Variants in PLXDC2 observed in about 807,000 individuals in gnomAD.
The protein encoded by PLXDC2 is plexin domain-containing protein 2.
PLXDC2 carries 40 observed loss-of-function variants against 68.9 expected under a neutral mutation model. The observed-to-expected ratio is 0.58, with a 90% CI of 0.45 to 0.76. The LOEUF (loss-of-function observed/expected upper bound fraction) is 0.76, where lower values mean the gene tolerates loss of function less well. Ranked by LOEUF, PLXDC2 falls within the 30% of genes least tolerant of loss-of-function variation. PLXDC2 has a pLI of 0.00. For synonymous variants in PLXDC2, 243 were observed against 234.2 expected (o/e 1.04, Z -0.34); for missense variants, 644 against 661.9 (o/e 0.97, Z 0.30).
intron 5 of PLXDC2, among the ~76,000 whole-genome samples, chr10:20,146,210 T>G (rs1210250125): frequency 6.6e-6 from 1 of 152,082 alleles, no homozygotes; most frequent in Non-Finnish European, 1.5e-5. Flanking sequence ...GTTGTAGACA[T>G]GTGTGAAGGA....
intron 1 of PLXDC2, among the ~76,000 whole-genome samples, chr10:19,858,515 T>G (rs1837257514): frequency 6.6e-6 from 1 of 152,200 alleles, no homozygotes; most frequent in Non-Finnish European, 1.5e-5. Flanking sequence ...TAATATTACT[T>G]TGTAAAAATA....
At chr10:20,189,504 T>TATATACAC (rs1554773611) in intron 9 of PLXDC2, among the ~76,000 whole-genome samples, 3 of 121,592 alleles carry the variant, frequency 2.5e-5, no homozygotes, top group East Asian at 2.4e-4. Flanking sequence ...TATATATATA[T>TATATACAC]ACACATACAC....
intron 6 of PLXDC2, among the ~76,000 whole-genome samples, chr10:20,163,754 CTT>C (rs538799079): frequency 9.2e-5 from 14 of 152,142 alleles, no homozygotes; most frequent in African/African-American, 3.1e-4. Flanking sequence ...ATTTATAACT[CTT>C]ATATCATTTT....
intron 1 of PLXDC2, among the ~76,000 whole-genome samples, chr10:19,976,697 T>G (rs2131616338): frequency 6.6e-6 from 1 of 152,226 alleles, no homozygotes; most frequent in African/African-American, 2.4e-5. Context: ...GCTGGGAAAC[T>G]TACTTGGATT....
chr10:19,948,870 C>T (rs1052298584), intron 1 of PLXDC2, among the ~76,000 whole-genome samples: 4 of 151,806 alleles, frequency 2.6e-5, no homozygotes, highest in South Asian at 2.1e-4. Context: ...ATTGGCCGGG[C>T]GCGGTGGCTC....
intron 1 of PLXDC2, among the ~76,000 whole-genome samples, chr10:19,899,511 T>A (rs1372826538): frequency 6.6e-6 from 1 of 152,202 alleles, no homozygotes; most frequent in Non-Finnish European, 1.5e-5. Flanking sequence ...ACGTATTATA[T>A]GAGAATAAAT....
At chr10:20,095,512 A>G (rs1263675700) in intron 4 of PLXDC2, among the ~76,000 whole-genome samples, 1 of 152,190 alleles carries the variant, frequency 6.6e-6, no homozygotes, top group African/African-American at 2.4e-5. Context: ...GAGAGAAGGG[A>G]AAGGATCAGG....
intron 7 of PLXDC2, among the ~76,000 whole-genome samples, chr10:20,173,559 C>G (rs1376654074): frequency 6.6e-6 from 1 of 152,184 alleles, no homozygotes; most frequent in Non-Finnish European, 1.5e-5. Flanking sequence ...AGTATTTGCA[C>G]TTTGCAACAC....
At chr10:20,103,565 A>G (rs1362955409) in intron 4 of PLXDC2, among the ~76,000 whole-genome samples, 1 of 148,698 alleles carries the variant, frequency 6.7e-6, no homozygotes, top group African/African-American at 2.5e-5. Context: ...GCTGGAAGAG[A>G]TGTGGGGTTA....
intron 9 of PLXDC2, among the ~76,000 whole-genome samples, chr10:20,208,458 C>T (rs1256232531): frequency 6.6e-6 from 1 of 152,032 alleles, no homozygotes; most frequent in Admixed American, 6.6e-5. Context: ...TGGGTCCCTC[C>T]CACAACACAG....
chr10:20,165,090 TAGGATTACAGGCGTGAGCCACC>T (rs1185767713), intron 7 of PLXDC2, among the ~76,000 whole-genome samples: 3 of 152,146 alleles, frequency 2.0e-5, no homozygotes, highest in African/African-American at 7.2e-5. Context: ...CCCAAAGTGC[TAGGATTACAGGCGTGAGCCACC>T]ATGCCCAGCC....
intron 13 of PLXDC2, among the ~76,000 whole-genome samples, chr10:20,272,926 C>T (rs1835957558): frequency 2.0e-5 from 3 of 152,160 alleles, no homozygotes; most frequent in Admixed American, 1.3e-4. Flanking sequence ...ACTTGGCTCC[C>T]AACAGTGAAC....
At chr10:20,026,841 T>C (rs11011745) in intron 2 of PLXDC2, among the ~76,000 whole-genome samples, 4 of 138,926 alleles carry the variant, frequency 2.9e-5, no homozygotes, top group Non-Finnish European at 4.6e-5. Context: ...TAGAATATAC[T>C]TTTATAATAT....
At chr10:20,091,545 G>T (rs886372511) in intron 4 of PLXDC2, among the ~76,000 whole-genome samples, 12 of 152,020 alleles carry the variant, frequency 7.9e-5, no homozygotes, top group Non-Finnish European at 1.5e-4. Flanking sequence ...TTAAGATGAG[G>T]CATGACCTTT....
At chr10:19,833,494 C>A (rs1033369535) in intron 1 of PLXDC2, among the ~76,000 whole-genome samples, 1 of 152,162 alleles carries the variant, frequency 6.6e-6, no homozygotes, top group East Asian at 1.9e-4. Context: ...ATAAAAGGTG[C>A]GTTAAAAGAA....
intron 1 of PLXDC2, among the ~76,000 whole-genome samples, chr10:19,835,847 G>T (rs1836779969): frequency 6.6e-6 from 1 of 152,124 alleles, no homozygotes. Context: ...GAAGGATGCA[G>T]TAAGGTGGAT....
intron 1 of PLXDC2, among the ~76,000 whole-genome samples, chr10:19,883,890 T>TTTTTTTTTTTTTTTTTTTG: frequency 1.1e-5 from 1 of 88,208 alleles, no homozygotes; most frequent in Non-Finnish European, 2.3e-5. Context: ...TAAACTTTTT[T>TTTTTTTTTTTTTTTTTTTG]TTTTTTTTTT....
At chr10:19,888,032 AT>A (rs1837881422) in intron 1 of PLXDC2, among the ~76,000 whole-genome samples, 1 of 152,240 alleles carries the variant, frequency 6.6e-6, no homozygotes, top group Admixed American at 6.5e-5. Context: ...GAACACGCCT[AT>A]CACTCCACTT....
At chr10:19,861,901 C>T (rs1433468188) in intron 1 of PLXDC2, among the ~76,000 whole-genome samples, 5 of 152,062 alleles carry the variant, frequency 3.3e-5, no homozygotes, top group African/African-American at 4.8e-5. Context: ...GTCTTTCACT[C>T]GGAGAAGGTG....
Sources: gnomAD v4.1 joint callset for allele counts (sites outside exome capture counted in the v4.1 genomes callset) on GRCh38, gnomAD v4.1.1 for gene constraint, MANE v1.5 for transcripts, NCBI Gene and HGNC (gene_info 2026-07-23, HGNC 2026-07-21) for gene names.